Variants in PLPP4 observed in about 807,000 individuals in gnomAD.
PLPP4 encodes phospholipid phosphatase 4, also known as diacylglycerol pyrophosphate like 2.
A neutral mutation model predicts 32.2 loss-of-function variants in PLPP4; 20 were observed. The ratio of observed to expected loss-of-function variants is 0.62; its 90% CI spans 0.44 to 0.90. The LOEUF (loss-of-function observed/expected upper bound fraction) is 0.90, where lower values mean the gene tolerates loss of function less well. Ranked by LOEUF, PLPP4 falls within the 40% of genes least tolerant of loss-of-function variation. The probability of loss-of-function intolerance (pLI) is 0.00; values close to 1 mark genes in which losing one functional copy is unlikely to be tolerated. For missense variants in PLPP4, 257 were observed against 353.1 expected (o/e 0.73, Z 2.18); for synonymous variants, 127 against 133.0 (o/e 0.95, Z 0.31).
rs1368671088 is a variant in PLPP4 at position 120,513,899 on chromosome 10, T to C, written c.166-12T>C. The C allele has an allele frequency of 1.2e-6, 2 of 1,607,960 alleles. No homozygotes were observed. Among genetic ancestry groups the C allele is most frequent in the African/African-American group, 1.3e-5 (1 of 74,784 alleles). On this transcript the variant is annotated splice_polypyrimidine_tract_variant and intron_variant, in intron 2 of 6. Transcript: ENST00000398250. The stretch of plus-strand genomic sequence containing the variant: ...GATGTCCTCATAAGGGATTGTTTGT[T>C]ATTTCTTCCAGGCAATTTCTTTCCT...
In PLPP4 at chr10:120,480,614, A is replaced by G. The variant is rs573973119; in HGVS notation, c.57-23204A>G. Reference sequence around the variant, plus strand: ...TTCAGCAGAGCTGGCAGCAGCCACCAATGACGGGAGAGGACTGGCTTGAAG... The same window carrying G: ...TTCAGCAGAGCTGGCAGCAGCCACCGATGACGGGAGAGGACTGGCTTGAAG... On this transcript the variant is annotated intron_variant, in intron 1 of 6. Transcript: ENST00000398250. 5.4e-3 allele frequency among the ~76,000 whole-genome samples: 829 copies of G among 152,314 alleles called. 8 individuals are homozygous for G. Among genetic ancestry groups the G allele is most frequent in the African/African-American group, 0.019 (791 of 41,550 alleles).
At chr10:120,539,157 G>A (rs1847218067) in intron 5 of PLPP4, among the ~76,000 whole-genome samples, 1 of 152,146 alleles carries the variant, frequency 6.6e-6, no homozygotes, top group South Asian at 2.1e-4. Flanking sequence ...CCTCTCTGAG[G>A]GCTTCTGCTG....
At chr10:120,474,913 G>A (rs1843826544) in intron 1 of PLPP4, among the ~76,000 whole-genome samples, 2 of 152,156 alleles carry the variant, frequency 1.3e-5, no homozygotes, top group Admixed American at 1.3e-4. Flanking sequence ...AGCTTAGAGA[G>A]GTTAAAGATT....
chr10:120,564,285 A>G (rs572718474), intron 5 of PLPP4, among the ~76,000 whole-genome samples: 6 of 152,180 alleles, frequency 3.9e-5, no homozygotes, highest in South Asian at 2.1e-4. Context: ...TTCTTGTTAT[A>G]TCTTCAAAAT....
chr10:120,510,338 A>G (rs1845675148), intron 2 of PLPP4, among the ~76,000 whole-genome samples: 1 of 152,054 alleles, frequency 6.6e-6, no homozygotes, highest in Non-Finnish European at 1.5e-5. Flanking sequence ...ACCACTCCCC[A>G]TCTTCCTACC....
At position 120,575,187 on chromosome 10, in the gene PLPP4, T is replaced by C. The variant is rs777035237; in HGVS notation, c.502T>C (p.Phe168Leu). The change falls in exon 6 of 7, where the codon TTC becomes CTC. Residue 168 changes from phenylalanine to leucine, a missense_variant. Transcript: ENST00000398250. The stretch of plus-strand genomic sequence containing the variant: ...CTACTTGGCGGGCAAGCTGCACTGC[T>C]TCACCGAGAGTGGGCGGGGAAAGAG... ...TFYLAGKLHC[F>L]TESGRGKSWR... The C allele has an allele frequency of 6.2e-7, 1 of 1,614,026 alleles. No homozygotes were observed. The highest frequency in any genetic ancestry group is 1.3e-5 in the African/African-American group (1 of 75,064).
intron 5 of PLPP4, among the ~76,000 whole-genome samples, chr10:120,545,999 A>T (rs1589855712): frequency 6.6e-6 from 1 of 152,094 alleles, no homozygotes; most frequent in East Asian, 1.9e-4. Context: ...CTGCCCTTGA[A>T]CATTGGACTC....
intron 1 of PLPP4, among the ~76,000 whole-genome samples, chr10:120,491,821 A>G (rs1844736793): frequency 7.4e-6 from 1 of 135,994 alleles, no homozygotes; most frequent in Admixed American, 7.1e-5. Flanking sequence ...AAGAACAACA[A>G]CAACAAAACC....
At chr10:120,584,163 G>C (rs1849646885) in intron 6 of PLPP4, among the ~76,000 whole-genome samples, 1 of 152,128 alleles carries the variant, frequency 6.6e-6, no homozygotes, top group Non-Finnish European at 1.5e-5. Context: ...AAAACCACCA[G>C]TGCCCTCTTT....
chr10:120,565,576 C>T (rs548287366), intron 5 of PLPP4, among the ~76,000 whole-genome samples: 1 of 152,084 alleles, frequency 6.6e-6, no homozygotes, highest in East Asian at 1.9e-4. Context: ...TCTTTTCTTC[C>T]TTTCTGCATG....
In PLPP4 at chr10:120,589,315, G is replaced by T; in HGVS notation, c.629G>T (p.Gly210Val). 1.2e-6 allele frequency: 2 copies of T among 1,614,096 alleles called. No homozygotes were observed. The highest frequency in any genetic ancestry group is 2.2e-5 in the East Asian group (1 of 44,886). Residue 210 changes from glycine to valine, a missense_variant, in exon 7 of 7, where the codon GGT (glycine) becomes GTT (valine). Coordinates refer to ENST00000398250, the MANE Select transcript of PLPP4 (RefSeq NM_001030059.3). ...YKHHWQDSFV[G>V]GVIGLIFAYI... ...GTTTCCTGCCTAGATTCCTTTGTGGGTGGAGTCATCGGCCTCATTTTTGCA... is the reference window on the plus strand; with the variant it reads ...GTTTCCTGCCTAGATTCCTTTGTGGTTGGAGTCATCGGCCTCATTTTTGCA...
At chr10:120,506,362 G>A (rs183739461) in intron 2 of PLPP4, among the ~76,000 whole-genome samples, 1 of 152,056 alleles carries the variant, frequency 6.6e-6, no homozygotes, top group East Asian at 1.9e-4. Context: ...TGTTCTCCTG[G>A]GTTTTAAGAA....
intron 2 of PLPP4, 53 bp from the exon 3 acceptor site, chr10:120,513,858 C>T: frequency 7.3e-7 from 1 of 1,378,090 alleles, no homozygotes; most frequent in South Asian, 1.2e-5. Context: ...TCAATCAGCC[C>T]TTCTGATAGC....
At chr10:120,563,567 G>A (rs1026244764) in intron 5 of PLPP4, among the ~76,000 whole-genome samples, 5 of 149,098 alleles carry the variant, frequency 3.4e-5, no homozygotes, top group African/African-American at 1.3e-4. Context: ...TTGGGAGGCC[G>A]AGGCGGGTGG....
intron 5 of PLPP4, among the ~76,000 whole-genome samples, chr10:120,526,727 G>A (rs1846409238): frequency 2.0e-5 from 3 of 152,156 alleles, no homozygotes; most frequent in African/African-American, 7.2e-5. Context: ...TGGTTTCCTG[G>A]CTTTGAAGGA....
chr10:120,585,848 C>G (rs1849726963), intron 6 of PLPP4, among the ~76,000 whole-genome samples: 1 of 152,170 alleles, frequency 6.6e-6, no homozygotes, highest in African/African-American at 2.4e-5. Context: ...CTTGGGAATG[C>G]CTCTTGCTTT....
At chr10:120,457,508 C>T in intron 1 of PLPP4, 147 bp downstream of exon 1, 1 of 623,320 alleles carries the variant, frequency 1.6e-6, no homozygotes, top group Non-Finnish European at 2.6e-6. Context: ...CGCAACGTGT[C>T]CTACGGGACC....
chr10:120,523,340 T>G (rs991678615), intron 5 of PLPP4, among the ~76,000 whole-genome samples: 10 of 151,954 alleles, frequency 6.6e-5, no homozygotes, highest in African/African-American at 2.4e-4. Flanking sequence ...TCTTGTAGGC[T>G]CTAGCCATTC....
At chr10:120,569,077 A>G (rs1220797919) in intron 5 of PLPP4, among the ~76,000 whole-genome samples, 1 of 152,100 alleles carries the variant, frequency 6.6e-6, no homozygotes, top group Admixed American at 6.5e-5. Flanking sequence ...CAACTCTGCC[A>G]AAAATACAAA....
Sources: allele counts gnomAD v4.1 joint callset (sites outside exome capture counted in the v4.1 genomes callset), GRCh38; gene constraint gnomAD v4.1.1; transcripts MANE v1.5; gene names NCBI Gene and HGNC (gene_info 2026-07-23, HGNC 2026-07-21).